Variants in COL3A1 observed in about 807,000 individuals in gnomAD.
COL3A1 encodes the protein collagen alpha-1(III) chain.
COL3A1 carries 46 observed loss-of-function variants against 200.9 expected under a neutral mutation model. The ratio of observed to expected loss-of-function variants is 0.23; its 90% CI spans 0.18 to 0.29. The LOEUF (loss-of-function observed/expected upper bound fraction) is 0.29. COL3A1 is among the 10% of genes least tolerant of loss of function. The pLI, the probability that COL3A1 is intolerant of heterozygous loss-of-function variation, is 1.00. For synonymous variants in COL3A1, 650 were observed against 628.0 expected (o/e 1.03, Z -0.52); for missense variants, 1,367 against 1,917.6 (o/e 0.71, Z 5.36).
intron 1 of COL3A1, among the ~76,000 whole-genome samples, chr2:188,977,613 A>G (rs186459004): frequency 6.6e-6 from 1 of 152,196 alleles, no homozygotes; most frequent in East Asian, 1.9e-4. Context: ...GTCACCTAAC[A>G]TGGATCAGTG....
At chr2:189,003,259 A>T in intron 36 of COL3A1, 152 bp from the exon 37 acceptor site, 1 of 763,472 alleles carries the variant, frequency 1.3e-6, no homozygotes, top group Non-Finnish European at 2.3e-6. Flanking sequence ...TATAATCTTT[A>T]TATGAATATA....
At chr2:188,981,097 T>C (rs188684762) in intron 1 of COL3A1, among the ~76,000 whole-genome samples, 1 of 151,496 alleles carries the variant, frequency 6.6e-6, no homozygotes, top group Non-Finnish European at 1.5e-5. Flanking sequence ...ATTCATTTTT[T>C]GTCCAAACAA....
chr2:189,002,192 T>A, intron 34 of COL3A1, 106 bp from the exon 35 acceptor site: 1 of 965,906 alleles, frequency 1.0e-6, no homozygotes, highest in Non-Finnish European at 1.7e-6. Context: ...ACTCTGCACA[T>A]TTCCTGCTTA....
intron 47 of COL3A1, 194 bp downstream of exon 47, chr2:189,008,336 C>G: frequency 4.9e-6 from 3 of 617,404 alleles, no homozygotes; most frequent in Non-Finnish European, 8.5e-6. Context: ...AGAAAAATAC[C>G]TTTTTAAAAA....
chr2:188,996,274 ATATATATATGTATATGTATATC>A lies in COL3A1; in HGVS notation c.1662+106_1663-93del, dbSNP rs1559057169. ...AGTGTGTGTGTGTGTGTGTGTGTAT[ATATATATATGTATATGTATATC>A]TATATATATACACACACACACACAC... On this transcript the variant is annotated intron_variant, in intron 23 of 50. Coordinates refer to ENST00000304636, the MANE Select transcript of COL3A1 (RefSeq NM_000090.4). 14 of 850,348 alleles carry A rather than the reference ATATATATATGTATATGTATATC, an allele frequency of 1.6e-5. No homozygotes were observed. In the African/African-American group the frequency reaches 3.2e-4, roughly 19 times the overall value. The allele number at this position is 850,348 out of a possible 1,614,324, so 52.7% of individuals were successfully genotyped here.
intron 29 of COL3A1, 76 bp downstream of exon 29, chr2:188,998,794 C>A: frequency 1.5e-6 from 2 of 1,330,152 alleles, no homozygotes; most frequent in South Asian, 2.4e-5. Flanking sequence ...TTTAGTATAT[C>A]AAGCCAAAAT....
At chr2:188,995,566 G>A (rs2153502536) in intron 21 of COL3A1, 126 bp from the exon 22 acceptor site, 2 of 676,016 alleles carry the variant, frequency 3.0e-6, no homozygotes, top group East Asian at 2.8e-5. Context: ...ATGTATAAAT[G>A]TTTCAGCAAC....
rs1415901923 is a variant in COL3A1, at chr2:189,011,646, A to G, written c.4273A>G (p.Ser1425Gly). ...DGCTKHTGEW[S>G]KTVFEYRTRK... is the part of the protein sequence containing the mutation. ...TTTACAGAAACACACTGGGGAATGGAGCAAAACAGTCTTTGAATATCGAAC... is the reference window on the plus strand; with the variant it reads ...TTTACAGAAACACACTGGGGAATGGGGCAAAACAGTCTTTGAATATCGAAC... Residue 1425 changes from serine (S) to glycine (G), a missense_variant, in exon 51 of 51, where the codon AGC (serine) becomes GGC (glycine). Ser to Gly is a moderately conservative substitution (Grantham distance 56). Transcript: ENST00000304636. 2 of 1,613,878 alleles carry G rather than the reference A, an allele frequency of 1.2e-6. No homozygotes were observed. The highest frequency in any genetic ancestry group is 1.7e-6 in the Non-Finnish European group (2 of 1,179,912).
chr2:188,986,708 C>T (rs909445243), intron 4 of COL3A1, among the ~76,000 whole-genome samples: 3 of 151,882 alleles, frequency 2.0e-5, no homozygotes, highest in Non-Finnish European at 2.9e-5. Flanking sequence ...TATATGATCT[C>T]GAGACTCTTT....
At chr2:189,006,866 G>A (rs1437545914) in intron 43 of COL3A1, 71 bp from the exon 44 acceptor site, 1 of 1,500,152 alleles carries the variant, frequency 6.7e-7, no homozygotes, top group African/African-American at 1.4e-5. Context: ...ATTTACTTTT[G>A]AAAACGAAAT....
In COL3A1 at chr2:188,994,457, CT is replaced by C; in HGVS notation, c.1294-82del. On this transcript the variant is annotated intron_variant, in intron 18 of 50. Transcript: ENST00000304636. The surrounding 1 kb of genome is among the most constrained non-coding windows in gnomAD (Gnocchi z 4.5). ...TATTGACTTCACTCTTGTCTTATAACTTATAACTGAATTATGTGTTACTGGT... is the reference window on the plus strand; with the variant it reads ...TATTGACTTCACTCTTGTCTTATAACTATAACTGAATTATGTGTTACTGGT... The C allele has an allele frequency of 6.4e-7, 1 of 1,571,760 alleles. No individual in the cohort carries two copies. The highest frequency in any genetic ancestry group is 8.8e-7 in the Non-Finnish European group (1 of 1,142,406).
intron 3 of COL3A1, 46 bp downstream of exon 3, chr2:188,985,293 T>G (rs376689314): frequency 6.8e-7 from 1 of 1,480,642 alleles, no homozygotes; most frequent in Non-Finnish European, 9.4e-7. Flanking sequence ...CTAATGATAA[T>G]TCTAGTAAGA....
intron 16 of COL3A1, among the ~76,000 whole-genome samples, chr2:188,993,816 T>C (rs1688238451): frequency 6.6e-6 from 1 of 152,222 alleles, no homozygotes; most frequent in Non-Finnish European, 1.5e-5. Context: ...TCTATTTATG[T>C]ATCATTTAAT....
intron 1 of COL3A1, among the ~76,000 whole-genome samples, chr2:188,975,245 T>G (rs979407744): frequency 5.9e-5 from 9 of 152,180 alleles, no homozygotes; most frequent in African/African-American, 1.4e-4. Flanking sequence ...TTAACCACAT[T>G]CGCATTAATG....
chr2:189,009,329 T>C (rs991471017), intron 48 of COL3A1, 108 bp downstream of exon 48: 1 of 1,362,032 alleles, frequency 7.3e-7, no homozygotes, highest in African/African-American at 1.4e-5. Flanking sequence ...GCTGAAATAG[T>C]ACTTTAAGAA....
intron 16 of COL3A1, 128 bp downstream of exon 16, chr2:188,993,587 T>G: frequency 1.2e-6 from 1 of 812,584 alleles, no homozygotes; most frequent in Non-Finnish European, 2.1e-6. Flanking sequence ...TTGAAAAAAT[T>G]GTTGCTTAGT....
rs530202653 is a variant in COL3A1, at chr2:189,005,609, A to G, written c.3039+152A>G. Reference sequence around the variant, plus strand: ...AACAGAAATTCTTTCATTACAATTTAGGATAGACTTAAAAGCTCTTGTTCA... The same window carrying G: ...AACAGAAATTCTTTCATTACAATTTGGGATAGACTTAAAAGCTCTTGTTCA... On this transcript the variant is annotated intron_variant, in intron 41 of 50. Transcript: ENST00000304636. The G allele has an allele frequency of 1.0e-3, 742 of 718,622 alleles. 2 individuals are homozygous for G. The highest frequency in any genetic ancestry group is 1.7e-3 in the Non-Finnish European group (657 of 397,518). 44.5% of individuals were successfully genotyped at this position (718,622 alleles called of 1,614,324 possible). A position where few individuals can be genotyped will look rare whatever the true frequency, so the allele number is the denominator to read the frequency against.
In COL3A1 at chr2:188,988,614, C is replaced by T. The variant is rs1688111809; in HGVS notation, c.607C>T (p.Pro203Ser). The T allele has an allele frequency of 6.2e-7, 1 of 1,608,416 alleles. No homozygotes were observed. The highest frequency in any genetic ancestry group is 1.1e-5 in the South Asian group (1 of 90,782). The change falls in exon 7 of 51, where the codon CCT becomes TCT. Residue 203 changes from proline to serine, a missense_variant. This residue lies in a region of COL3A1 where 462 missense variants were observed against 681.4 expected (regional missense o/e 0.68). Transcript: ENST00000304636. ...SPGSPGYQGP[P>S]GEPGQAGPSG... ...GGGATCTCCAGGATACCAAGGACCC[C>T]CTGGTGAACCTGGGCAAGCTGGTCC...
At position 189,011,951 on chromosome 2, in the gene COL3A1, A is replaced by G. The variant is rs1281864325; in HGVS notation, c.*177A>G. ...GATACTTCTCTTTTTTTGCTGTTCC[A>G]CCAAATACAATTCAAATGCTTTTTG... On this transcript the variant is annotated 3_prime_UTR_variant, in exon 51 of 51. Transcript: ENST00000304636. 1 of 671,402 alleles carries G rather than the reference A, an allele frequency of 1.5e-6. No individual in the cohort carries two copies. The highest frequency in any genetic ancestry group is 2.8e-5 in the East Asian group (1 of 36,302). The allele number at this position is 671,402 out of a possible 1,614,324, so 41.6% of individuals were successfully genotyped here.
Sources: allele counts gnomAD v4.1 joint callset (sites outside exome capture counted in the v4.1 genomes callset), GRCh38; gene constraint gnomAD v4.1.1; regional missense constraint gnomAD v4.1.1; non-coding constraint Gnocchi (gnomAD v3.1); transcripts MANE v1.5; gene names NCBI Gene and HGNC (gene_info 2026-07-23, HGNC 2026-07-21).